Variants in EXT2 observed in about 807,000 individuals in gnomAD.
EXT2 encodes exostosin-2.
In EXT2, 53 loss-of-function variants were observed where a neutral mutation model predicts 81.6. That is an observed-to-expected ratio of 0.65 (90% CI 0.52 to 0.82). EXT2 has a LOEUF of 0.82. Among genes scored for constraint, EXT2 ranks in the 40% least tolerant of loss-of-function variants. EXT2 has a pLI of 0.00. For missense variants in EXT2, 774 were observed against 910.2 expected, an observed-to-expected ratio of 0.85 and a Z score of 1.93; for synonymous variants, 320 against 340.0, an observed-to-expected ratio of 0.94 and a Z score of 0.65.
intron 7 of EXT2, among the ~76,000 whole-genome samples, chr11:44,169,025 G>A (rs1383466229): frequency 6.6e-6 from 1 of 152,062 alleles, no homozygotes; most frequent in South Asian, 2.1e-4. Context: ...TTTGAGACCA[G>A]TCTGACCAAC....
intron 9 of EXT2, among the ~76,000 whole-genome samples, chr11:44,200,870 T>C (rs1288332709): frequency 6.6e-6 from 1 of 152,218 alleles, no homozygotes. Context: ...GAGAAAAATG[T>C]CTTTGCTCAC....
intron 13 of EXT2, among the ~76,000 whole-genome samples, chr11:44,242,079 G>A (rs547552838): frequency 1.3e-5 from 2 of 152,270 alleles, no homozygotes; most frequent in African/African-American, 4.8e-5. Flanking sequence ...AGGAGACATT[G>A]TCCTCAATAC....
intron 8 of EXT2, among the ~76,000 whole-genome samples, chr11:44,190,859 C>A (rs1417061499): frequency 6.6e-6 from 1 of 152,168 alleles, no homozygotes; most frequent in African/African-American, 2.4e-5. Flanking sequence ...ACACAGCTAC[C>A]ATGACCTTTC....
chr11:44,107,310 A>G (rs1244382729), intron 1 of EXT2, among the ~76,000 whole-genome samples: 1 of 152,156 alleles, frequency 6.6e-6, no homozygotes, highest in Non-Finnish European at 1.5e-5. Flanking sequence ...CATTAAAAGT[A>G]GAGGCTGGGC....
intron 8 of EXT2, among the ~76,000 whole-genome samples, chr11:44,193,685 A>G (rs1955421264): frequency 6.6e-6 from 1 of 152,210 alleles, no homozygotes; most frequent in South Asian, 2.1e-4. Flanking sequence ...ATGTATGCTT[A>G]GAAGCTTACA....
Position 44,108,137 on chromosome 11 carries a change from A to G in EXT2, c.425A>G (p.Tyr142Cys), listed in dbSNP as rs762657738. The G allele has an allele frequency of 9.9e-6, 16 of 1,614,010 alleles. No homozygotes were observed. The highest frequency in any genetic ancestry group is 2.2e-5 in the East Asian group (1 of 44,892). Reference sequence around the variant, plus strand: ...CTCATGGCCATCTCAGACAGTGACTACTACACTGATGACATCAACCGGGCC... The same window carrying G: ...CTCATGGCCATCTCAGACAGTGACTGCTACACTGATGACATCAACCGGGCC... Reference protein sequence around the residue: ...ELLMAISDSDYYTDDINRACL... With the variant: ...ELLMAISDSDCYTDDINRACL... The change falls in exon 2 of 14, where the codon TAC becomes TGC. Residue 142 changes from tyrosine to cysteine, a missense_variant. Around this residue, in one of 2 missense-constraint regions of EXT2, gnomAD observed 626 missense variants for 670.5 expected, o/e 0.93. Transcript: ENST00000533608.
rs986905378 is a variant in EXT2, at chr11:44,249,501, G to A, written c.*5214G>A. Among the ~76,000 whole-genome samples, 1 of 152,232 alleles carries A rather than the reference G, an allele frequency of 6.6e-6. No individual in the cohort carries two copies. Among genetic ancestry groups the A allele is most frequent in the Non-Finnish European group, 1.5e-5 (1 of 68,046 alleles). ...CTCTCAGGAATTGCAGGTGGTGTGG[G>A]AGTGGCTGACAGAGGAGGGATCCAT... On this transcript the variant is annotated 3_prime_UTR_variant, in exon 14 of 14. Coordinates refer to ENST00000533608, the MANE Select transcript of EXT2 (RefSeq NM_207122.2).
In EXT2 at chr11:44,251,841, A is replaced by C. The variant is rs1163078003; in HGVS notation, c.*7554A>C. On this transcript the variant is annotated 3_prime_UTR_variant, in exon 14 of 14. Transcript: ENST00000533608. Reference sequence around the variant, plus strand: ...GCCAGATACTGTTCTTGGTGTGAGGATATGGCACTGAACAAAACAATGTAC... The same window carrying C: ...GCCAGATACTGTTCTTGGTGTGAGGCTATGGCACTGAACAAAACAATGTAC... 1.3e-5 allele frequency among the ~76,000 whole-genome samples: 2 copies of C among 152,238 alleles called. No homozygotes were observed. Among genetic ancestry groups the C allele is most frequent in the African/African-American group, 4.8e-5 (2 of 41,470 alleles).
intron 8 of EXT2, among the ~76,000 whole-genome samples, chr11:44,193,401 T>G (rs1280634811): frequency 1.3e-5 from 2 of 152,226 alleles, no homozygotes; most frequent in Non-Finnish European, 2.9e-5. Context: ...TACATGACAG[T>G]ACCTTACATA....
chr11:44,116,661 C>T (rs1954224993), intron 4 of EXT2: 1 of 152,226 alleles, frequency 6.6e-6, no homozygotes, highest in African/African-American at 2.4e-5. Flanking sequence ...CATATCCTCA[C>T]TAACCCTTGT....
chr11:44,167,624 T>A (rs1300143845), intron 7 of EXT2, among the ~76,000 whole-genome samples: 1 of 152,060 alleles, frequency 6.6e-6, no homozygotes. Flanking sequence ...ATCCAGAACC[T>A]CTACAGGTTT....
At chr11:44,109,318 G>A (rs752797938) in intron 3 of EXT2, 35 bp downstream of exon 3, 9 of 1,527,618 alleles carry the variant, frequency 5.9e-6, no homozygotes, top group Non-Finnish European at 8.2e-6. Flanking sequence ...CTTATGATGG[G>A]TTCAAGATCA....
At position 44,219,286 on chromosome 11, in the gene EXT2, G is replaced by A. The variant is rs184941642; in HGVS notation, c.1662+12327G>A. On this transcript the variant is annotated intron_variant, in intron 10 of 13. Transcript: ENST00000533608. Reference sequence around the variant, plus strand: ...GGAACCTGAGGTGAGAGAATGGCTTGAGGCCAGGAGTTCAAGACCAGCCTG... The same window carrying A: ...GGAACCTGAGGTGAGAGAATGGCTTAAGGCCAGGAGTTCAAGACCAGCCTG... 5.3e-5 allele frequency among the ~76,000 whole-genome samples: 8 copies of A among 152,140 alleles called. No homozygotes were observed. In the East Asian group the frequency reaches 1.4e-3, roughly 26 times the overall value.
rs1386590069 is a variant in EXT2, at chr11:44,250,355, C to G, written c.*6068C>G. Among the ~76,000 whole-genome samples the G allele has an allele frequency of 2.0e-5, 3 of 152,198 alleles. No individual in the cohort carries two copies. Among genetic ancestry groups the G allele is most frequent in the African/African-American group, 4.8e-5 (2 of 41,454 alleles). ...CTCACAGTGACTTCCCTTGACCATG[C>G]CTTAGTTTCCTCAGCCAGAAATTGG... is the stretch of plus-strand genomic sequence containing the variant. On this transcript the variant is annotated 3_prime_UTR_variant, in exon 14 of 14. Coordinates refer to ENST00000533608, the MANE Select transcript of EXT2 (RefSeq NM_207122.2).
intron 3 of EXT2, among the ~76,000 whole-genome samples, chr11:44,113,962 G>A (rs547786208): frequency 6.6e-6 from 1 of 152,116 alleles, no homozygotes; most frequent in Non-Finnish European, 1.5e-5. Flanking sequence ...GGGAAGTAAG[G>A]AAAGGGTATT....
rs1170535092 is a variant in EXT2, at chr11:44,206,821, A to T, written c.1524A>T (p.Pro508=). The part of the protein sequence containing the change: ...EDSLWPKIRV[P]LKVVRTAENK... The stretch of plus-strand genomic sequence containing the variant: ...CTCTCTGGCCCAAAATCCGGGTTCC[A>T]TTAAAAGTTGTGAGGACTGCTGAAA... Residue 508 remains proline (P), a synonymous_variant, in exon 10 of 14, where the codon CCA becomes CCT. Coordinates refer to ENST00000533608, the MANE Select transcript of EXT2 (RefSeq NM_207122.2). The T allele has an allele frequency of 3.1e-6, 5 of 1,614,058 alleles. No homozygotes were observed. The highest frequency in any genetic ancestry group is 4.2e-6 in the Non-Finnish European group (5 of 1,179,986).
chr11:44,233,726 G>A (rs1955925146), intron 11 of EXT2, among the ~76,000 whole-genome samples: 1 of 151,984 alleles, frequency 6.6e-6, no homozygotes, highest in South Asian at 2.1e-4. Context: ...TCCAGAAATG[G>A]GTTTTTTTAT....
At chr11:44,135,583 G>A (rs1341725855) in intron 7 of EXT2, among the ~76,000 whole-genome samples, 1 of 151,864 alleles carries the variant, frequency 6.6e-6, no homozygotes, top group Non-Finnish European at 1.5e-5. Flanking sequence ...GTAGAGATGG[G>A]GTTTTGCCAT....
rs1956115024 is a variant in EXT2, at chr11:44,248,626, C to G, written c.*4339C>G. Among the ~76,000 whole-genome samples, 1 of 152,160 alleles carries G rather than the reference C, an allele frequency of 6.6e-6. No individual in the cohort carries two copies. Among genetic ancestry groups the G allele is most frequent in the Non-Finnish European group, 1.5e-5 (1 of 68,030 alleles). ...ACCCACTCTAAATTTTAATGTTTCC[C>G]CCTCATTTTAGGGTGGGAGCTGTGA... On this transcript the variant is annotated 3_prime_UTR_variant, in exon 14 of 14. Coordinates refer to ENST00000533608, the MANE Select transcript of EXT2 (RefSeq NM_207122.2).
Sources: allele counts gnomAD v4.1 joint callset (sites outside exome capture counted in the v4.1 genomes callset), GRCh38; gene constraint gnomAD v4.1.1; regional missense constraint gnomAD v4.1.1; transcripts MANE v1.5; gene names NCBI Gene and HGNC (gene_info 2026-07-23, HGNC 2026-07-21).